The following CGNL1 variants were observed in gnomAD, a reference collection of about 807,000 sequenced individuals.
CGNL1 encodes cingulin-like protein 1.
A neutral mutation model predicts 141.2 loss-of-function variants in CGNL1; 132 were observed. The observed-to-expected ratio is 0.93, with a 90% CI of 0.81 to 1.08. The LOEUF is 1.08. Ranked by LOEUF, CGNL1 falls within the 50% of genes least tolerant of loss-of-function variation. CGNL1 has a pLI of 0.00. For synonymous variants in CGNL1, 690 were observed against 622.1 expected (o/e 1.11, Z -1.63); for missense variants, 1,870 against 1,588.6 (o/e 1.18, Z -3.01).
chr15:57,517,106 A>G lies in CGNL1; in HGVS notation c.2610+120A>G, dbSNP rs1015908283. ...TGATGTAGTAGGAAAGGTCAAGGCA[A>G]TAGTGAATACATCCTCTCTGCAAGC... On this transcript the variant is annotated intron_variant, in intron 9 of 18. Transcript: ENST00000281282. 9 of 932,550 alleles carry G rather than the reference A, an allele frequency of 9.7e-6. No homozygotes were observed. The African/African-American group carries it at 1.0e-4, about 10-fold the overall frequency. 57.8% of individuals were successfully genotyped at this position (932,550 alleles called of 1,614,324 possible).
chr15:57,431,007 C>T (rs1415530653), intron 1 of CGNL1, among the ~76,000 whole-genome samples: 4 of 152,198 alleles, frequency 2.6e-5, no homozygotes, highest in Admixed American at 6.5e-5. Flanking sequence ...CAGGCGTGAG[C>T]CAGTGCGCCT....
intron 1 of CGNL1, chr15:57,405,969 T>A (rs186854386): frequency 7.8e-6 from 1 of 128,688 alleles, no homozygotes; most frequent in East Asian, 3.0e-4. Flanking sequence ...AATACAGATA[T>A]TTACCAAGTA....
At chr15:57,432,240 C>T (rs2063053542) in intron 1 of CGNL1, among the ~76,000 whole-genome samples, 1 of 152,124 alleles carries the variant, frequency 6.6e-6, no homozygotes, top group African/African-American at 2.4e-5. Context: ...CCACAGGGCC[C>T]CTGGAATGGC....
intron 1 of CGNL1, among the ~76,000 whole-genome samples, chr15:57,409,185 C>T (rs2062758600): frequency 6.6e-6 from 1 of 152,130 alleles, no homozygotes; most frequent in Non-Finnish European, 1.5e-5. Flanking sequence ...AAATCTGGTC[C>T]AGGGGAGAGT....
At chr15:57,436,624 T>G (rs1052413895) in intron 1 of CGNL1, among the ~76,000 whole-genome samples, 2 of 151,526 alleles carry the variant, frequency 1.3e-5, no homozygotes, top group Non-Finnish European at 2.9e-5. Flanking sequence ...AGAATGAAAA[T>G]AAACAAGTAA....
intron 8 of CGNL1, among the ~76,000 whole-genome samples, chr15:57,490,227 A>G (rs1309987375): frequency 2.0e-5 from 3 of 152,202 alleles, no homozygotes; most frequent in Admixed American, 2.0e-4. Flanking sequence ...ACCTTGCTTT[A>G]TCTTATATTA....
intron 10 of CGNL1, among the ~76,000 whole-genome samples, chr15:57,522,838 C>T (rs2031356999): frequency 6.6e-6 from 1 of 152,160 alleles, no homozygotes; most frequent in South Asian, 2.1e-4. Context: ...CAACCACCTA[C>T]CTGGCTAGTA....
In CGNL1 at chr15:57,529,604, ACACACG is replaced by A. The variant is rs1209235877; in HGVS notation, c.3201+791_3201+796del. Among the ~76,000 whole-genome samples, 20 of 129,494 alleles carry A rather than the reference ACACACG, an allele frequency of 1.5e-4. No homozygotes were observed. The South Asian group carries it at 4.4e-3, about 29-fold the overall frequency. 85.0% of individuals were successfully genotyped at this position (129,494 alleles called of 152,430 possible). A position where few individuals can be genotyped will look rare whatever the true frequency, so the allele number is the denominator to read the frequency against. Reference sequence around the variant, plus strand: ...CACACACACACACACACACACACACACACACGCCCCAGTAGAATTTAGAGAGAGGGA... The same window carrying A: ...CACACACACACACACACACACACACACCCCAGTAGAATTTAGAGAGAGGGA... On this transcript the variant is annotated intron_variant, in intron 13 of 18. Coordinates refer to ENST00000281282, the MANE Select transcript of CGNL1 (RefSeq NM_032866.5).
At chr15:57,486,558 C>G (rs761293647) in intron 8 of CGNL1, among the ~76,000 whole-genome samples, 34 of 152,150 alleles carry the variant, frequency 2.2e-4, no homozygotes, top group Non-Finnish European at 3.8e-4. Flanking sequence ...AACTGAAGTC[C>G]CTCCTCACAG....
chr15:57,391,846 C>T (rs1485022627), intron 1 of CGNL1, among the ~76,000 whole-genome samples: 3 of 152,056 alleles, frequency 2.0e-5, no homozygotes, highest in Non-Finnish European at 2.9e-5. Context: ...TATCCTTATT[C>T]CATATCCTTA....
intron 8 of CGNL1, among the ~76,000 whole-genome samples, chr15:57,490,075 A>T (rs1296301): frequency 0.32 from 49,398 of 151,998 alleles, 8,663 homozygotes; most frequent in Non-Finnish European, 0.39. Flanking sequence ...TCTCTACTGT[A>T]GACTGGACTT....
chr15:57,382,730 A>G (rs557936135), intron 1 of CGNL1, among the ~76,000 whole-genome samples: 2 of 152,256 alleles, frequency 1.3e-5, no homozygotes, highest in South Asian at 2.1e-4. Context: ...TATAGTCCAC[A>G]TAGGGAAGAG....
At chr15:57,410,855 A>G (rs1332563691) in intron 1 of CGNL1, among the ~76,000 whole-genome samples, 1 of 152,180 alleles carries the variant, frequency 6.6e-6, no homozygotes, top group African/African-American at 2.4e-5. Flanking sequence ...TTAATAAGAG[A>G]CTGAAGTTCG....
At chr15:57,400,887 T>TAAAAAAAAA (rs35735890) in intron 1 of CGNL1, among the ~76,000 whole-genome samples, 5 of 77,900 alleles carry the variant, frequency 6.4e-5, no homozygotes, top group African/African-American at 1.0e-4. Context: ...TGTCTCAAAT[T>TAAAAAAAAA]AAAAAAAAAA....
intron 8 of CGNL1, among the ~76,000 whole-genome samples, chr15:57,513,760 G>A (rs1354909663): frequency 1.3e-5 from 2 of 152,126 alleles, no homozygotes; most frequent in African/African-American, 4.8e-5. Flanking sequence ...GACCTCAGGT[G>A]ATCTGCCCGC....
In CGNL1 at chr15:57,442,430, C is replaced by G. The variant is rs752691582; in HGVS notation, c.1755C>G (p.Ile585Met). 3 of 1,613,636 alleles carry G rather than the reference C, an allele frequency of 1.9e-6. No homozygotes were observed. The highest frequency in any genetic ancestry group is 2.5e-6 in the Non-Finnish European group (3 of 1,179,688). The change falls in exon 4 of 19, where the codon ATC becomes ATG. Residue 585 changes from isoleucine (I) to methionine (M), a missense_variant. Physicochemically the swap from Ile to Met is conservative, Grantham distance 10. Coordinates refer to ENST00000281282, the MANE Select transcript of CGNL1 (RefSeq NM_032866.5). ...AAGTCAACTTGGTCTTTGAGAAAAT[C>G]CAGACCTTAAAGTCTCGAGCAGCTG... ...KRKVNLVFEK[I>M]QTLKSRAAGS...
rs8029234 is a variant in CGNL1 at position 57,544,871 on chromosome 15, A to G, written c.3500+274A>G. On this transcript the variant is annotated intron_variant, in intron 16 of 18. Coordinates refer to ENST00000281282, the MANE Select transcript of CGNL1 (RefSeq NM_032866.5). ...TCTCAGTCTATGGTGGTGCCACTGT[A>G]CTTGCTGTCCCTTTTCCCGTTCTCT... 5.1e-3 allele frequency among the ~76,000 whole-genome samples: 778 copies of G among 152,290 alleles called. 2 individuals carry two copies. Among genetic ancestry groups the G allele is most frequent in the African/African-American group, 0.018 (736 of 41,556 alleles).
chr15:57,520,096 G>A (rs1301254038), intron 10 of CGNL1, among the ~76,000 whole-genome samples: 1 of 152,224 alleles, frequency 6.6e-6, no homozygotes, highest in Non-Finnish European at 1.5e-5. Flanking sequence ...TGGGGATGGT[G>A]AGAGTGCTTC....
Position 57,550,572 on chromosome 15 carries a change from A to T in CGNL1, c.*3082A>T, listed in dbSNP as rs1368047972. 1.3e-5 allele frequency: 2 copies of T among 152,620 alleles called. No individual in the cohort carries two copies. The highest frequency in any genetic ancestry group is 4.8e-5 in the African/African-American group (2 of 41,434). 9.5% of individuals were successfully genotyped at this position (152,620 alleles called of 1,614,324 possible). ...GTCGTTCTACAATGCCCGTTGACTT[A>T]TTCCATTGCGTCTCTGCTTTAGGGT... is the stretch of plus-strand genomic sequence containing the variant. On this transcript the variant is annotated 3_prime_UTR_variant, in exon 19 of 19. Transcript: ENST00000281282.
Sources: allele counts gnomAD v4.1 joint callset (sites outside exome capture counted in the v4.1 genomes callset), GRCh38; gene constraint gnomAD v4.1.1; transcripts MANE v1.5; gene names NCBI Gene and HGNC (gene_info 2026-07-23, HGNC 2026-07-21).